AZIN2: variants seen among roughly 807,000 people sequenced by gnomAD.
The protein encoded by AZIN2 is antizyme inhibitor 2.
AZIN2 carries 28 observed loss-of-function variants against 47.8 expected under a neutral mutation model. The ratio of observed to expected loss-of-function variants is 0.59; its 90% CI spans 0.43 to 0.80. The LOEUF (loss-of-function observed/expected upper bound fraction) is 0.80, where lower values mean the gene tolerates loss of function less well. Among genes scored for constraint, AZIN2 ranks in the 30% least tolerant of loss-of-function variants. AZIN2 has a pLI of 0.00. For missense variants in AZIN2, 535 were observed against 582.5 expected, an observed-to-expected ratio of 0.92 and a Z score of 0.84; for synonymous variants, 221 against 239.4, an observed-to-expected ratio of 0.92 and a Z score of 0.71.
the AZIN2 span, chr1:33,165,225 G>A: frequency 2.5e-6 from 1 of 402,110 alleles, no homozygotes; most frequent in African/African-American, 2.1e-5. The surrounding 1 kb of genome is among the most constrained non-coding windows in gnomAD (Gnocchi z 4.0). Context: ...AAATGGCCCC[G>A]TCCTTAACCG....
At chr1:33,124,325 T>C (rs1488101111), downstream of AZIN2, among the ~76,000 whole-genome samples, 5 of 152,074 alleles carry the variant, frequency 3.3e-5, no homozygotes, top group Admixed American at 6.5e-5. This position sits in a 1 kb window ranked among gnomAD's most constrained non-coding sequence, Gnocchi z 4.6. Context: ...CTGTAGGCAG[T>C]AGGGAGCCCG....
Position 33,120,078 on chromosome 1 carries a change from CAGG to C in AZIN2, c.1284_1286del (p.Glu428del), listed in dbSNP as rs769941545. The C allele has an allele frequency of 4.5e-5, 73 of 1,613,936 alleles. No individual in the cohort carries two copies. Among genetic ancestry groups the C allele is most frequent in the Admixed American group, 6.7e-5 (4 of 60,000 alleles). On this transcript the variant is annotated inframe_deletion, in exon 12 of 12. Transcript: ENST00000294517. Reference sequence around the variant, plus strand: ...GCGAAGGCAGCTGATGGCTGCAGAACAGGAGGATGACGTGGAGGGTGTGTGCAA... The same window carrying C: ...GCGAAGGCAGCTGATGGCTGCAGAACAGGATGACGTGGAGGGTGTGTGCAA...
chr1:33,109,082 G>T (rs1644161422), intron 10 of AZIN2, among the ~76,000 whole-genome samples: 1 of 152,114 alleles, frequency 6.6e-6, no homozygotes, highest in Admixed American at 6.6e-5. Context: ...GTGTTCAGTG[G>T]TATTTGTTGT....
chr1:33,110,652 G>A (rs896591488), intron 10 of AZIN2, among the ~76,000 whole-genome samples: 2 of 152,108 alleles, frequency 1.3e-5, no homozygotes, highest in African/African-American at 4.8e-5. Context: ...GAGAGAATGG[G>A]AAGATAGAGT....
chr1:33,161,577 G>A, the AZIN2 span, among the ~76,000 whole-genome samples: 1 of 152,162 alleles, frequency 6.6e-6, no homozygotes, highest in Admixed American at 6.5e-5. The surrounding 1 kb of genome is among the most constrained non-coding windows in gnomAD (Gnocchi z 4.3). Flanking sequence ...CACCCAGAAC[G>A]CCAGGCAGAC....
At chr1:33,164,719 A>T in the AZIN2 span, 2 of 152,242 alleles carry the variant, frequency 1.3e-5, no homozygotes. Context: ...CCACCTCTGG[A>T]GGGCTTCGAG....
At chr1:33,148,629 A>G in the AZIN2 span, among the ~76,000 whole-genome samples, 1 of 152,172 alleles carries the variant, frequency 6.6e-6, no homozygotes, top group Non-Finnish European at 1.5e-5. Flanking sequence ...ATTATTAATA[A>G]TTTCCTTCTA....
intron 10 of AZIN2, among the ~76,000 whole-genome samples, chr1:33,098,799 C>T (rs1264441233): frequency 5.3e-5 from 8 of 151,906 alleles, no homozygotes; most frequent in African/African-American, 1.7e-4. Flanking sequence ...AGTCTTACTC[C>T]GTCAACCAGG....
chr1:33,136,132 TTCC>T, the AZIN2 span, among the ~76,000 whole-genome samples: 8 of 143,156 alleles, frequency 5.6e-5, no homozygotes, highest in African/African-American at 1.8e-4. Flanking sequence ...CCTTCCTTCC[TTCC>T]TTCCTTCCTT....
chr1:33,129,761 T>A, the AZIN2 span, among the ~76,000 whole-genome samples: 1 of 152,242 alleles, frequency 6.6e-6, no homozygotes. The surrounding 1 kb of genome is among the most constrained non-coding windows in gnomAD (Gnocchi z 4.1). Context: ...TATTTACCCA[T>A]TCTGGTGATC....
chr1:33,090,413 G>C (rs1220200604), intron 5 of AZIN2, among the ~76,000 whole-genome samples: 1 of 152,118 alleles, frequency 6.6e-6, no homozygotes, highest in Non-Finnish European at 1.5e-5. Context: ...TAGAGTAAAG[G>C]GGATGAAGAG....
chr1:33,139,223 T>C, the AZIN2 span, among the ~76,000 whole-genome samples: 1 of 152,140 alleles, frequency 6.6e-6, no homozygotes, highest in Non-Finnish European at 1.5e-5. Flanking sequence ...TCAGTGAGGG[T>C]CGCTCTGGGG....
intron 5 of AZIN2, among the ~76,000 whole-genome samples, chr1:33,090,114 T>C (rs1341950596): frequency 6.6e-6 from 1 of 152,194 alleles, no homozygotes; most frequent in Non-Finnish European, 1.5e-5. Flanking sequence ...CACCACCTAA[T>C]TTTATGAAGT....
rs910890735 is a variant in AZIN2, at chr1:33,094,692, G to A, written c.732G>A (p.Gly244=). 1.2e-5 allele frequency: 20 copies of A among 1,614,178 alleles called. No homozygotes were observed. Among genetic ancestry groups the A allele is most frequent in the Non-Finnish European group, 1.7e-5 (20 of 1,180,028 alleles). Residue 244 remains glycine, a synonymous_variant, in exon 8 of 12, where the codon GGG becomes GGA. Transcript: ENST00000294517. ...DLGGGFPGTE[G]AKVRFEEIAS... ...GTGGTGGCTTCCCTGGCACAGAAGG[G>A]GCCAAAGTGAGATTTGAAGAGGTAA...
At position 33,122,902 on chromosome 1, in the gene AZIN2, A is replaced by G. The variant is rs540254830; in HGVS notation, c.*2720A>G. ...GGCCCCTTCTTCCCCTTTCCCCTCC[A>G]CAGTCCATCCTCCACTCAGCAGCCA... On this transcript the variant is annotated 3_prime_UTR_variant, in exon 12 of 12. Transcript: ENST00000294517. Among the ~76,000 whole-genome samples, 1 of 151,826 alleles carries G rather than the reference A, an allele frequency of 6.6e-6. No homozygotes were observed. Among genetic ancestry groups the G allele is most frequent in the Admixed American group, 6.6e-5 (1 of 15,258 alleles).
intron 10 of AZIN2, among the ~76,000 whole-genome samples, chr1:33,099,707 G>A (rs1443676787): frequency 6.6e-6 from 1 of 152,200 alleles, no homozygotes; most frequent in Non-Finnish European, 1.5e-5. Context: ...GACTCTCTTT[G>A]TGGTCTGTGC....
At chr1:33,114,292 T>C (rs1644420120) in intron 10 of AZIN2, among the ~76,000 whole-genome samples, 1 of 147,806 alleles carries the variant, frequency 6.8e-6, no homozygotes, top group Non-Finnish European at 1.5e-5. Context: ...CTAATTTTTT[T>C]GTATTTTTAG....
rs766709140 is a variant in AZIN2 at position 33,098,194 on chromosome 1, C to T, written c.1029+15C>T. 1.8e-5 allele frequency: 29 copies of T among 1,571,580 alleles called. No individual in the cohort carries two copies. The highest frequency in any genetic ancestry group is 1.7e-4 in the Middle Eastern group (1 of 5,922). Reference sequence around the variant, plus strand: ...TCCTGCAGAAGGTGAGCTTACCCCACGTGGGCCTGTTTTCAGTTGTGTGTG... The same window carrying T: ...TCCTGCAGAAGGTGAGCTTACCCCATGTGGGCCTGTTTTCAGTTGTGTGTG... On this transcript the variant is annotated intron_variant, in intron 10 of 11. Transcript: ENST00000294517.
chr1:33,089,796 AG>A, intron 5 of AZIN2, among the ~76,000 whole-genome samples: 1 of 152,380 alleles, frequency 6.6e-6, no homozygotes, highest in Admixed American at 6.5e-5. Context: ...ATAAATATCT[AG>A]TGCTGAAAAG....
Sources: gnomAD v4.1 joint callset for allele counts (sites outside exome capture counted in the v4.1 genomes callset) on GRCh38, gnomAD v4.1.1 for gene constraint, Gnocchi (gnomAD v3.1) non-coding constraint, MANE v1.5 for transcripts, NCBI Gene and HGNC (gene_info 2026-07-23, HGNC 2026-07-21) for gene names.